PSMD4: variants seen among roughly 807,000 people sequenced by gnomAD.
PSMD4 encodes the protein 26S proteasome non-ATPase regulatory subunit 4.
A neutral mutation model predicts 39.7 loss-of-function variants in PSMD4; 5 were observed. That is an observed-to-expected ratio of 0.13 (90% CI 0.07 to 0.26). PSMD4 has a LOEUF of 0.26. Among genes scored for constraint, PSMD4 ranks in the 10% least tolerant of loss-of-function variants. The pLI is 1.00. For missense variants in PSMD4, 272 were observed against 486.1 expected, an observed-to-expected ratio of 0.56 and a Z score of 4.14; for synonymous variants, 143 against 174.6, an observed-to-expected ratio of 0.82 and a Z score of 1.43.
Position 151,261,670 on chromosome 1 carries a change from G to A in PSMD4, c.27-491G>A, listed in dbSNP as rs376016835. Among the ~76,000 whole-genome samples the A allele has an allele frequency of 2.5e-4, 38 of 152,064 alleles. 1 individual carries two copies. The highest frequency in any genetic ancestry group is 8.4e-4 in the African/African-American group (35 of 41,506). ...TTTGTAAGGATTTAAAAATTTTTTC[G>A]GCTGGGCACCAGGTGGCTCACACCT... On this transcript the variant is annotated intron_variant, in intron 1 of 9. Transcript: ENST00000368884.
chr1:151,256,357 TAATAATA>T (rs1374108349), intron 1 of PSMD4, among the ~76,000 whole-genome samples: 34,776 of 92,814 alleles, frequency 0.37, 5,942 homozygotes, highest in African/African-American at 0.47. Context: ...AAAAAAAAAA[TAATAATA>T]AAATAAATAA....
intron 1 of PSMD4, among the ~76,000 whole-genome samples, chr1:151,258,236 C>A (rs151000997): frequency 6.6e-6 from 1 of 152,032 alleles, no homozygotes; most frequent in Admixed American, 6.6e-5. Context: ...TCATATTGGT[C>A]AGGCTGGTCT....
At chr1:151,255,455 A>G (rs1226055922) in intron 1 of PSMD4, among the ~76,000 whole-genome samples, 1 of 152,204 alleles carries the variant, frequency 6.6e-6, no homozygotes, top group East Asian at 1.9e-4. Flanking sequence ...CAAAGGCTTT[A>G]TCCGGTGAGG....
chr1:151,256,127 T>A (rs1471375433), intron 1 of PSMD4, among the ~76,000 whole-genome samples: 1 of 151,784 alleles, frequency 6.6e-6, no homozygotes, highest in East Asian at 1.9e-4. Context: ...GTGTATCACC[T>A]GAGGTCAGGA....
intron 1 of PSMD4, among the ~76,000 whole-genome samples, chr1:151,260,906 C>T (rs1468761604): frequency 6.7e-6 from 1 of 148,640 alleles, no homozygotes; most frequent in Non-Finnish European, 1.5e-5. Flanking sequence ...AGTGCAGTGG[C>T]GTGATCTTGA....
chr1:151,263,624 C>T (rs776336744), intron 2 of PSMD4: 5 of 192,058 alleles, frequency 2.6e-5, no homozygotes, highest in Non-Finnish European at 5.4e-5. Flanking sequence ...GTCAGGAGAT[C>T]GAGACCATCC....
rs1243977246 is a variant in PSMD4 at position 151,254,779 on chromosome 1, C to CAAGATGGTG, written c.-3_6dup. ...ACCCGGTCGGGAGGGAGGAAGGTGG[C>CAAGATGGTG]AAGATGGTGTTGGAAAGCACTATGG... On this transcript the variant is annotated 5_prime_UTR_variant, in exon 1 of 10. It adds an upstream start codon to the 5' untranslated region. Transcript: ENST00000368884. The CAAGATGGTG allele has an allele frequency of 1.3e-6, 2 of 1,561,902 alleles. No homozygotes were observed. The highest frequency in any genetic ancestry group is 1.7e-6 in the Non-Finnish European group (2 of 1,154,884).
Position 151,260,352 on chromosome 1 carries a change from C to T in PSMD4, c.27-1809C>T, listed in dbSNP as rs1693286978. 1.3e-5 allele frequency among the ~76,000 whole-genome samples: 2 copies of T among 152,290 alleles called. 1 individual carries two copies. The highest frequency in any genetic ancestry group is 4.1e-4 in the South Asian group (2 of 4,830). On this transcript the variant is annotated intron_variant, in intron 1 of 9. Transcript: ENST00000368884. ...GGAGCTTATATAACTGCATCACTTA[C>T]CTGCCTTCTTCTGGTCTTTGGGAAA...
chr1:151,264,744 A>C, intron 3 of PSMD4, 88 bp from the exon 4 acceptor site: 2 of 1,063,970 alleles, frequency 1.9e-6, no homozygotes, highest in Admixed American at 4.0e-5. Flanking sequence ...GGTACAAAGA[A>C]ACTGTAAGAA....
chr1:151,264,770 A>G, intron 3 of PSMD4, 62 bp from the exon 4 acceptor site: 1 of 1,334,508 alleles, frequency 7.5e-7, no homozygotes, highest in Non-Finnish European at 1.1e-6. Context: ...GAACCGAGTG[A>G]CAGAGGAAAG....
At chr1:151,262,435 A>G (rs902440290) in intron 2 of PSMD4, 134 bp downstream of exon 2, 3 of 1,096,668 alleles carry the variant, frequency 2.7e-6, no homozygotes, top group African/African-American at 1.6e-5. Context: ...GTAAATGTCA[A>G]TAGCAACTTG....
intron 2 of PSMD4, among the ~76,000 whole-genome samples, chr1:151,263,314 A>G (rs754189719): frequency 4.6e-5 from 7 of 152,124 alleles, no homozygotes; most frequent in Non-Finnish European, 1.0e-4. Flanking sequence ...AAATACAAAA[A>G]TTAGCCGGGC....
At chr1:151,261,954 C>A (rs1465823992) in intron 1 of PSMD4, among the ~76,000 whole-genome samples, 112 of 124,998 alleles carry the variant, frequency 9.0e-4, no homozygotes, top group South Asian at 1.1e-3. Context: ...GACCCTATCT[C>A]AAAAAAAAAA....
rs139827987 is a variant in PSMD4 at position 151,259,382 on chromosome 1, CACTCAAA to C, written c.27-2770_27-2764del. 4.5e-3 allele frequency among the ~76,000 whole-genome samples: 692 copies of C among 152,270 alleles called. 7 individuals carry two copies. Among genetic ancestry groups the C allele is most frequent in the African/African-American group, 0.016 (657 of 41,558 alleles). The stretch of plus-strand genomic sequence containing the variant: ...TAATTTCCTTTGAACATCATGTCAG[CACTCAAA>C]ACTCAAAAACTTTCTGATTTGGGGC... On this transcript the variant is annotated intron_variant, in intron 1 of 9. Transcript: ENST00000368884.
intron 1 of PSMD4, among the ~76,000 whole-genome samples, chr1:151,260,451 T>G (rs1351305192): frequency 1.3e-5 from 2 of 152,194 alleles, no homozygotes; most frequent in African/African-American, 4.8e-5. Context: ...AGGTGAGACT[T>G]CAGATCCACA....
chr1:151,264,062 C>T (rs775081937), intron 3 of PSMD4, 34 bp downstream of exon 3: 1 of 1,461,558 alleles, frequency 6.8e-7, no homozygotes, highest in Non-Finnish European at 9.4e-7. Flanking sequence ...ACCTTTCCTC[C>T]CTGCTCTGAG....
chr1:151,260,939 GGGTTCA>G (rs1693302382), intron 1 of PSMD4, among the ~76,000 whole-genome samples: 1 of 150,792 alleles, frequency 6.6e-6, no homozygotes, highest in Non-Finnish European at 1.5e-5. Context: ...TCGGCCTCCC[GGGTTCA>G]AGCAATTCTC....
chr1:151,260,841 T>C (rs1228704741), intron 1 of PSMD4, among the ~76,000 whole-genome samples: 1 of 150,852 alleles, frequency 6.6e-6, no homozygotes, highest in Non-Finnish European at 1.5e-5. Context: ...CTGGCCCTAT[T>C]TTATAGATTT....
rs773822976 is a variant in PSMD4, at chr1:151,265,606, C to G, written c.651C>G (p.Ala217=). 1.9e-6 allele frequency: 3 copies of G among 1,613,946 alleles called. No homozygotes were observed. Among genetic ancestry groups the G allele is most frequent in the South Asian group, 2.2e-5 (2 of 91,076 alleles). The part of the protein sequence containing the change: ...GVDPSADPEL[A]LALRVSMEEQ... The stretch of plus-strand genomic sequence containing the variant: ...ATCCCAGTGCTGATCCTGAGCTGGC[C>G]TTGGTGAGCAAATGTTGACCCCAGG... The change falls in exon 6 of 10, where the codon GCC becomes GCG. Residue 217 remains alanine (A), a synonymous_variant. Transcript: ENST00000368884.
Sources: allele counts gnomAD v4.1 joint callset (sites outside exome capture counted in the v4.1 genomes callset), GRCh38; gene constraint gnomAD v4.1.1; transcripts MANE v1.5; gene names NCBI Gene and HGNC (gene_info 2026-07-23, HGNC 2026-07-21).